The following IQSEC1 variants were observed in gnomAD, a reference collection of about 807,000 sequenced individuals.
IQSEC1 encodes IQ motif and Sec7 domain ArfGEF 1, also known as IQ motif and SEC7 domain-containing protein 1.
In IQSEC1, 31 loss-of-function variants were observed where a neutral mutation model predicts 91.0. The observed-to-expected ratio is 0.34, with a 90% CI of 0.26 to 0.46. The LOEUF is 0.46. Among genes scored for constraint, IQSEC1 ranks in the 20% least tolerant of loss-of-function variants. The pLI, the probability that IQSEC1 is intolerant of heterozygous loss-of-function variation, is 1.00. For synonymous variants in IQSEC1, 699 were observed against 662.6 expected, an observed-to-expected ratio of 1.05 and a Z score of -0.84; for missense variants, 1,388 against 1,575.6, an observed-to-expected ratio of 0.88 and a Z score of 2.02.
intron 1 of IQSEC1, among the ~76,000 whole-genome samples, chr3:13,274,115 C>T (rs1231621138): frequency 6.6e-6 from 1 of 152,220 alleles, no homozygotes; most frequent in Admixed American, 6.5e-5. Flanking sequence ...TTTTCCCAGG[C>T]TACCCCACCA....
rs536690619 is a variant in IQSEC1 at position 13,146,523 on chromosome 3, G to T, written c.302+17581C>A. Among the ~76,000 whole-genome samples the T allele has an allele frequency of 7.2e-5, 11 of 152,312 alleles. No homozygotes were observed. The South Asian group carries it at 1.7e-3, about 23-fold the overall frequency. On this transcript the variant is annotated intron_variant, in intron 2 of 15. Transcript: ENST00000648114. ...CCACCAAGGACAGCTGCAGCCAAGG[G>T]CTGAGCCTGAGCTGGTCAGAATAAC...
intron 1 of IQSEC1, among the ~76,000 whole-genome samples, chr3:13,256,907 C>G (rs914589734): frequency 2.6e-5 from 4 of 152,114 alleles, no homozygotes; most frequent in African/African-American, 9.7e-5. Flanking sequence ...AGCCAGCGGC[C>G]CCTATCTTCC....
intron 1 of IQSEC1, among the ~76,000 whole-genome samples, chr3:13,031,626 G>A (rs1280587006): frequency 1.3e-5 from 2 of 152,198 alleles, no homozygotes; most frequent in African/African-American, 2.4e-5. Context: ...AGGCACAGGG[G>A]GCAGAGGGGC....
intron 1 of IQSEC1, among the ~76,000 whole-genome samples, chr3:13,004,663 C>T (rs539386283): frequency 3.3e-5 from 5 of 152,318 alleles, no homozygotes; most frequent in South Asian, 4.1e-4. Context: ...GGCCACTTTC[C>T]ACCAGCAAAG....
chr3:13,073,709 C>T (rs1705512391), upstream of IQSEC1, among the ~76,000 whole-genome samples: 1 of 152,270 alleles, frequency 6.6e-6, no homozygotes, highest in South Asian at 2.1e-4. Context: ...GGCTTTTCTG[C>T]CTTCGGCACT....
chr3:13,210,848 G>A (rs531499017), intron 1 of IQSEC1, among the ~76,000 whole-genome samples: 5 of 152,294 alleles, frequency 3.3e-5, no homozygotes, highest in East Asian at 3.9e-4. Flanking sequence ...GTAAACAAAC[G>A]CCATCCACAT....
chr3:12,934,941 C>T (rs1326218618), intron 3 of IQSEC1, among the ~76,000 whole-genome samples: 1 of 151,892 alleles, frequency 6.6e-6, no homozygotes, highest in Non-Finnish European at 1.5e-5. Context: ...CAGCAACTGC[C>T]CCTGAGCACT....
In IQSEC1 at chr3:12,906,194, C is replaced by T. The variant is rs192972992; in HGVS notation, c.2755+2155G>A. Reference sequence around the variant, plus strand: ...GGACAGCTGCTCTCAGGGTCTCCTGCCCCAGGAGCAGTGACGTGTCAAACA... The same window carrying T: ...GGACAGCTGCTCTCAGGGTCTCCTGTCCCAGGAGCAGTGACGTGTCAAACA... On this transcript the variant is annotated intron_variant, in intron 12 of 13. Coordinates refer to ENST00000613206, the MANE Select transcript of IQSEC1 (RefSeq NM_001134382.3). Among the ~76,000 whole-genome samples, 742 of 152,328 alleles carry T rather than the reference C, an allele frequency of 4.9e-3. 4 individuals are homozygous for T. The highest frequency in any genetic ancestry group is 0.017 in the African/African-American group (709 of 41,576).
At chr3:13,154,073 A>G (rs552434647) in intron 2 of IQSEC1, among the ~76,000 whole-genome samples, 2 of 152,160 alleles carry the variant, frequency 1.3e-5, no homozygotes, top group East Asian at 3.9e-4. Flanking sequence ...GTGACCACAC[A>G]TTGGCCTGTT....
chr3:12,941,901 G>A, intron 1 of IQSEC1, 36 bp from the exon 2 acceptor site: 2 of 1,534,564 alleles, frequency 1.3e-6, no homozygotes, highest in Non-Finnish European at 1.8e-6. Context: ...CTTCTGGTAA[G>A]CGGGAAATCT....
chr3:13,043,518 C>G (rs1013813133), intron 1 of IQSEC1, among the ~76,000 whole-genome samples: 1 of 152,242 alleles, frequency 6.6e-6, no homozygotes, highest in African/African-American at 2.4e-5. Context: ...CAGTCAGGTC[C>G]CACTCCAGCA....
intron 1 of IQSEC1, among the ~76,000 whole-genome samples, chr3:13,043,503 C>T (rs1005466049): frequency 4.6e-5 from 7 of 152,250 alleles, no homozygotes; most frequent in African/African-American, 1.7e-4. Context: ...TCCGCTCCTC[C>T]TCGTCAGTCA....
intron 1 of IQSEC1, among the ~76,000 whole-genome samples, chr3:13,005,539 A>T (rs961647070): frequency 6.6e-6 from 1 of 152,300 alleles, no homozygotes; most frequent in Admixed American, 6.5e-5. Flanking sequence ...CGCCTGGACA[A>T]GGGGGCTGAC....
At chr3:13,093,219 C>T (rs1705893554) in intron 2 of IQSEC1, among the ~76,000 whole-genome samples, 1 of 113,222 alleles carries the variant, frequency 8.8e-6, no homozygotes, top group Non-Finnish European at 1.8e-5. Flanking sequence ...AACAAACTCA[C>T]TTATAAAGGA....
chr3:13,220,163 A>T (rs528910036), intron 1 of IQSEC1, among the ~76,000 whole-genome samples: 2 of 152,342 alleles, frequency 1.3e-5, no homozygotes, highest in South Asian at 4.1e-4. Context: ...TGCAAACTCA[A>T]CTGCCTCCTG....
chr3:13,015,754 G>A (rs1314057293), intron 1 of IQSEC1: 2 of 984,616 alleles, frequency 2.0e-6, no homozygotes, highest in Non-Finnish European at 2.4e-6. Flanking sequence ...CAGGCACCCT[G>A]GGGCCCCCGC....
In IQSEC1 at chr3:12,909,184, T is replaced by G; in HGVS notation, c.2578+89A>C. 9 of 1,363,488 alleles carry G rather than the reference T, an allele frequency of 6.6e-6. No homozygotes were observed. The highest frequency in any genetic ancestry group is 9.2e-6 in the Non-Finnish European group (9 of 975,320). The allele number at this position is 1,363,488 out of a possible 1,614,324, so 84.5% of individuals were successfully genotyped here. On this transcript the variant is annotated intron_variant, in intron 11 of 13. Transcript: ENST00000613206. The surrounding 1 kb of genome is among the most constrained non-coding windows in gnomAD (Gnocchi z 4.9). ...AAGACTGGGGGACATCTTGTCTCTG[T>G]GAGCTCAGAAGTCACTGCCCTGACA...
chr3:13,081,515 C>T (rs1331615913), intron 2 of IQSEC1, among the ~76,000 whole-genome samples: 1 of 152,212 alleles, frequency 6.6e-6, no homozygotes. Flanking sequence ...TGGATCCTCC[C>T]ACCTCGGCCT....
At chr3:12,906,090 A>G (rs920422012) in intron 12 of IQSEC1, among the ~76,000 whole-genome samples, 2 of 152,200 alleles carry the variant, frequency 1.3e-5, no homozygotes. Flanking sequence ...TTCAGGCACC[A>G]TCTACGGCCA....
Sources: gnomAD v4.1 joint callset for allele counts (sites outside exome capture counted in the v4.1 genomes callset) on GRCh38, gnomAD v4.1.1 for gene constraint, Gnocchi (gnomAD v3.1) non-coding constraint, MANE v1.5 for transcripts, NCBI Gene and HGNC (gene_info 2026-07-23, HGNC 2026-07-21) for gene names.